The following HS3ST4 variants were observed in gnomAD, a reference collection of about 807,000 sequenced individuals.
The protein encoded by HS3ST4 is heparan sulfate glucosamine 3-O-sulfotransferase 4.
A neutral mutation model predicts 29.2 loss-of-function variants in HS3ST4; 17 were observed. The ratio of observed to expected loss-of-function variants is 0.58; its 90% confidence interval spans 0.40 to 0.87. The LOEUF (loss-of-function observed/expected upper bound fraction) is 0.87. Ranked by LOEUF, HS3ST4 falls within the 40% of genes least tolerant of loss-of-function variation. The probability of loss-of-function intolerance (pLI) is 0.00; values close to 1 mark genes in which losing one functional copy is unlikely to be tolerated. For missense variants in HS3ST4, 627 were observed against 634.5 expected, an observed-to-expected ratio of 0.99 and a Z score of 0.13; for synonymous variants, 314 against 285.7, an observed-to-expected ratio of 1.10 and a Z score of -1.00.
In HS3ST4 at chr16:25,692,754, G is replaced by A. The variant is rs1445557515; in HGVS notation, c.337G>A (p.Glu113Lys). The change falls in exon 1 of 2, where the codon GAG becomes AAG. Residue 113 changes from glutamate to lysine, a missense_variant. Transcript: ENST00000331351. The stretch of plus-strand genomic sequence containing the variant: ...CAACGCGAGCCACGGGGAGCCGCCC[G>A]AGCCCCCAGAGCAGCCAGCCGCCCC... ...LDNASHGEPP[E>K]PPEQPAAPGT... is the part of the protein sequence containing the mutation. The A allele has an allele frequency of 7.7e-7, 1 of 1,293,368 alleles. No homozygotes were observed. The highest frequency in any genetic ancestry group is 2.7e-5 in the South Asian group (1 of 37,304). 80.1% of individuals were successfully genotyped at this position (1,293,368 alleles called of 1,614,324 possible).
intron 1 of HS3ST4, among the ~76,000 whole-genome samples, chr16:26,008,334 A>T (rs934096714): frequency 6.6e-6 from 1 of 152,152 alleles, no homozygotes; most frequent in African/African-American, 2.4e-5. Context: ...TTACTTCATT[A>T]TGTCTGTTTA....
intron 1 of HS3ST4, among the ~76,000 whole-genome samples, chr16:25,873,518 C>T (rs977814045): frequency 5.4e-5 from 8 of 148,910 alleles, no homozygotes; most frequent in Non-Finnish European, 1.0e-4. Context: ...ATCTATCTAT[C>T]TATCTGTCTA....
At chr16:25,780,451 T>C (rs901775238) in intron 1 of HS3ST4, among the ~76,000 whole-genome samples, 3 of 152,120 alleles carry the variant, frequency 2.0e-5, no homozygotes, top group African/African-American at 7.2e-5. Flanking sequence ...GGGTCTCTTG[T>C]TGAGAATAAT....
chr16:25,902,811 C>T (rs537556374), intron 1 of HS3ST4, among the ~76,000 whole-genome samples: 21 of 151,930 alleles, frequency 1.4e-4, no homozygotes, highest in Middle Eastern at 3.4e-3. Flanking sequence ...CAACGTCTGG[C>T]GGATGCCTGG....
intron 1 of HS3ST4, among the ~76,000 whole-genome samples, chr16:25,725,390 G>A (rs1188015690): frequency 6.6e-6 from 1 of 152,058 alleles, no homozygotes; most frequent in East Asian, 1.9e-4. Context: ...ATTATAAGAA[G>A]TTTAGAAAAT....
intron 1 of HS3ST4, among the ~76,000 whole-genome samples, chr16:25,949,845 A>C (rs1330768011): frequency 6.6e-6 from 1 of 152,124 alleles, no homozygotes; most frequent in East Asian, 1.9e-4. Flanking sequence ...TCTTGCTAAA[A>C]CTAGACTAAA....
chr16:26,065,754 A>G (rs1041057839), intron 1 of HS3ST4, among the ~76,000 whole-genome samples: 1 of 152,240 alleles, frequency 6.6e-6, no homozygotes, highest in African/African-American at 2.4e-5. Flanking sequence ...TTCAACATTT[A>G]TTGAGAGTTC....
chr16:25,911,792 A>G (rs978275362), intron 1 of HS3ST4, among the ~76,000 whole-genome samples: 2 of 151,898 alleles, frequency 1.3e-5, no homozygotes, highest in Non-Finnish European at 2.9e-5. Context: ...TACAGGTATG[A>G]GCCATTGTGC....
Position 26,013,034 on chromosome 16 carries a change from G to A in HS3ST4, c.735-122578G>A, listed in dbSNP as rs192822651. Among the ~76,000 whole-genome samples, 520 of 152,000 alleles carry A rather than the reference G, an allele frequency of 3.4e-3. 6 individuals are homozygous for A. Among genetic ancestry groups the A allele is most frequent in the Admixed American group, 7.0e-3 (107 of 15,264 alleles). ...AAAAATTAGCTGGGTGTGGTGGCGC[G>A]TGCCTGTAATCCCAGCTACTCGGGA... On this transcript the variant is annotated intron_variant, in intron 1 of 1. Coordinates refer to ENST00000331351, the MANE Select transcript of HS3ST4 (RefSeq NM_006040.3).
At chr16:25,847,013 G>GTTTTTT (rs5816327) in intron 1 of HS3ST4, among the ~76,000 whole-genome samples, 8 of 138,346 alleles carry the variant, frequency 5.8e-5, no homozygotes, top group African/African-American at 1.9e-4. Flanking sequence ...ATCAACACGA[G>GTTTTTT]TTTTTTTTTT....
intron 1 of HS3ST4, among the ~76,000 whole-genome samples, chr16:25,815,443 C>T (rs532400833): frequency 2.6e-5 from 4 of 152,288 alleles, no homozygotes; most frequent in African/African-American, 9.6e-5. Context: ...TCTGCCTCAG[C>T]CTCACGAGTA....
intron 1 of HS3ST4, among the ~76,000 whole-genome samples, chr16:25,811,426 T>TC (rs1967040652): frequency 4.2e-5 from 5 of 118,294 alleles, no homozygotes; most frequent in African/African-American, 1.6e-4. Flanking sequence ...CTTCTTCTTT[T>TC]TTTTTTTTTC....
At chr16:25,773,791 C>A (rs555207701) in intron 1 of HS3ST4, among the ~76,000 whole-genome samples, 1 of 152,316 alleles carries the variant, frequency 6.6e-6, no homozygotes, top group Admixed American at 6.5e-5. Flanking sequence ...TCATTCTTCA[C>A]CCCCTGCCAT....
intron 1 of HS3ST4, among the ~76,000 whole-genome samples, chr16:25,710,508 C>T (rs1486064675): frequency 7.1e-5 from 1 of 14,144 alleles, no homozygotes; most frequent in Admixed American, 1.5e-3. Flanking sequence ...TCCCCATATC[C>T]TGGCTGTGGA....
intron 1 of HS3ST4, among the ~76,000 whole-genome samples, chr16:25,962,231 C>T (rs1015959139): frequency 3.3e-5 from 5 of 152,088 alleles, no homozygotes; most frequent in Non-Finnish European, 4.4e-5. Context: ...GTTTTTTTCT[C>T]GCTGTAGGGG....
At chr16:26,125,816 T>A (rs1423069997) in intron 1 of HS3ST4, among the ~76,000 whole-genome samples, 1 of 152,190 alleles carries the variant, frequency 6.6e-6, no homozygotes, top group Non-Finnish European at 1.5e-5. Context: ...AGTTTTCTTA[T>A]CTCTCAGTCA....
intron 1 of HS3ST4, among the ~76,000 whole-genome samples, chr16:25,831,613 G>GATAAAA (rs926041189): frequency 6.6e-6 from 1 of 151,604 alleles, no homozygotes; most frequent in Non-Finnish European, 1.5e-5. Flanking sequence ...TAAAAATAAA[G>GATAAAA]ATAAAAATTT....
At chr16:25,778,213 C>G (rs1177730288) in intron 1 of HS3ST4, among the ~76,000 whole-genome samples, 1 of 152,136 alleles carries the variant, frequency 6.6e-6, no homozygotes, top group Admixed American at 6.5e-5. Context: ...TATTTTATCA[C>G]CTTCTAAGAC....
intron 1 of HS3ST4, among the ~76,000 whole-genome samples, chr16:25,983,234 A>G (rs933212651): frequency 6.6e-6 from 1 of 152,182 alleles, no homozygotes; most frequent in Non-Finnish European, 1.5e-5. Context: ...CTTCTATTCC[A>G]GATCTAGCAA....
Sources: gnomAD v4.1 joint callset for allele counts (sites outside exome capture counted in the v4.1 genomes callset) on GRCh38, gnomAD v4.1.1 for gene constraint, MANE v1.5 for transcripts, NCBI Gene and HGNC (gene_info 2026-07-23, HGNC 2026-07-21) for gene names.